PIK3CD: variants seen among roughly 807,000 people sequenced by gnomAD.
The protein encoded by PIK3CD is phosphatidylinositol 4,5-bisphosphate 3-kinase catalytic subunit delta isoform.
Under a neutral mutation model 122.9 loss-of-function variants are expected in PIK3CD, and 20 were observed. The observed-to-expected ratio is 0.16, with a 90% confidence interval of 0.11 to 0.24. PIK3CD has a LOEUF of 0.24. Ranked by LOEUF, PIK3CD falls within the 10% of genes least tolerant of loss-of-function variation. The pLI, the probability that PIK3CD is intolerant of heterozygous loss-of-function variation, is 1.00. For missense variants in PIK3CD, 787 were observed against 1,406.3 expected (o/e 0.56, Z 7.04); for synonymous variants, 596 against 593.4 (o/e 1.00, Z -0.06).
intron 1 of PIK3CD, among the ~76,000 whole-genome samples, chr1:9,668,448 T>A (rs1193673576): frequency 6.6e-6 from 1 of 152,046 alleles, no homozygotes; most frequent in Non-Finnish European, 1.5e-5. Context: ...ATTCTTTTTT[T>A]TTTTTTTGGT....
chr1:9,666,331 C>A (rs183503305), intron 1 of PIK3CD, among the ~76,000 whole-genome samples: 1 of 144,838 alleles, frequency 6.9e-6, no homozygotes, highest in African/African-American at 2.6e-5. Context: ...ACCTCTGCCC[C>A]CCCAGGTTCA....
chr1:9,654,547 G>T (rs956856230), intron 1 of PIK3CD: 1 of 554,984 alleles, frequency 1.8e-6, no homozygotes, highest in East Asian at 6.6e-5. Flanking sequence ...TGGGGATGGT[G>T]AGAGTCGGTT....
intron 1 of PIK3CD, among the ~76,000 whole-genome samples, chr1:9,683,599 C>G (rs1302907204): frequency 6.6e-6 from 1 of 152,080 alleles, no homozygotes; most frequent in African/African-American, 2.4e-5. Context: ...CGTCAGTTTC[C>G]TCATGAAGAT....
At chr1:9,682,472 A>G (rs2100262435) in intron 1 of PIK3CD, among the ~76,000 whole-genome samples, 1 of 152,242 alleles carries the variant, frequency 6.6e-6, no homozygotes, top group East Asian at 1.9e-4. Context: ...TTCTGACCTC[A>G]GGTGATCTGC....
the PIK3CD span, among the ~76,000 whole-genome samples, chr1:9,636,345 T>C: frequency 6.6e-6 from 1 of 152,206 alleles, no homozygotes; most frequent in African/African-American, 2.4e-5. Context: ...AGGTGCCCAC[T>C]ACCATACCTG....
chr1:9,681,518 G>C (rs1259135343), intron 1 of PIK3CD, among the ~76,000 whole-genome samples: 1 of 152,178 alleles, frequency 6.6e-6, no homozygotes, highest in South Asian at 2.1e-4. Context: ...GGGTTAAAGC[G>C]ATTCTCCTGC....
chr1:9,679,449 C>A (rs982188483), intron 1 of PIK3CD, among the ~76,000 whole-genome samples: 1 of 152,146 alleles, frequency 6.6e-6, no homozygotes, highest in Non-Finnish European at 1.5e-5. Flanking sequence ...ACCAGTCAGG[C>A]TCTCCCTGTG....
intron 1 of PIK3CD, among the ~76,000 whole-genome samples, chr1:9,675,796 C>T (rs530568801): frequency 6.0e-5 from 9 of 150,238 alleles, no homozygotes; most frequent in South Asian, 2.1e-4. Context: ...AACAGGGTCT[C>T]GCTGTGTCAC....
intron 1 of PIK3CD, among the ~76,000 whole-genome samples, chr1:9,656,641 A>G (rs1644862651): frequency 6.6e-6 from 1 of 152,074 alleles, no homozygotes; most frequent in South Asian, 2.1e-4. Context: ...TCCTGTCACT[A>G]AAAGAAAACA....
chr1:9,643,206 C>T, the PIK3CD span, among the ~76,000 whole-genome samples: 3 of 152,040 alleles, frequency 2.0e-5, no homozygotes, highest in South Asian at 4.2e-4. Flanking sequence ...GTCGGGAGTT[C>T]GAGACCAGCC....
At chr1:9,663,915 A>C (rs1645081155) in intron 1 of PIK3CD, among the ~76,000 whole-genome samples, 1 of 151,972 alleles carries the variant, frequency 6.6e-6, no homozygotes, top group Non-Finnish European at 1.5e-5. Flanking sequence ...ACATGAACTC[A>C]TCCTTTTTTA....
chr1:9,659,548 C>T (rs1338652530), intron 1 of PIK3CD, among the ~76,000 whole-genome samples: 2 of 152,178 alleles, frequency 1.3e-5, no homozygotes, highest in Non-Finnish European at 2.9e-5. Flanking sequence ...CTCCCCTCTC[C>T]TCCCAGCCCT....
At chr1:9,716,838 GCCCT>G in intron 6 of PIK3CD, 117 bp from the exon 7 acceptor site, 5 of 1,411,660 alleles carry the variant, frequency 3.5e-6, no homozygotes, top group Non-Finnish European at 5.0e-6. Flanking sequence ...CCAGCAGGAA[GCCCT>G]CCCCTCTCCC....
chr1:9,642,203 C>T, the PIK3CD span, among the ~76,000 whole-genome samples: 8 of 151,906 alleles, frequency 5.3e-5, no homozygotes, highest in Non-Finnish European at 8.8e-5. Context: ...ACCTCCACAT[C>T]CCGGGTTCAA....
Position 9,717,078 on chromosome 1 carries a change from T to C in PIK3CD, c.900T>C (p.Arg300=). The C allele has an allele frequency of 6.2e-7, 1 of 1,613,964 alleles. No individual in the cohort carries two copies. The highest frequency in any genetic ancestry group is 8.5e-7 in the Non-Finnish European group (1 of 1,180,026). The change falls in exon 7 of 24, where the codon CGT becomes CGC. Residue 300 remains arginine, a synonymous_variant. Coordinates refer to ENST00000377346, the MANE Select transcript of PIK3CD (RefSeq NM_005026.5). The surrounding 1 kb of genome is among the most constrained non-coding windows in gnomAD (Gnocchi z 5.4). ...SNPAPQVQKP[R]AKPPPIPAKK... ...CTGCCCCCCAGGTCCAGAAACCGCG[T>C]GCCAAACCACCTCCCATTCCTGCGA...
chr1:9,697,107 C>T (rs1646448381), intron 2 of PIK3CD, among the ~76,000 whole-genome samples: 1 of 151,022 alleles, frequency 6.6e-6, no homozygotes, highest in Admixed American at 6.6e-5. Context: ...CACAGTGGCT[C>T]ATCCCTGTAA....
chr1:9,683,628 G>A (rs146769068), intron 1 of PIK3CD, among the ~76,000 whole-genome samples: 14 of 152,170 alleles, frequency 9.2e-5, no homozygotes, highest in African/African-American at 3.4e-4. Context: ...TAACTATTTA[G>A]TGGGGTTGTT....
the PIK3CD span, among the ~76,000 whole-genome samples, chr1:9,638,100 C>T: frequency 6.7e-6 from 1 of 150,364 alleles, no homozygotes; most frequent in African/African-American, 2.5e-5. Flanking sequence ...GAGCGAGACT[C>T]TGTCTCAAAA....
At position 9,720,229 on chromosome 1, in the gene PIK3CD, C is replaced by G; in HGVS notation, c.1457C>G (p.Pro486Arg). Reference protein sequence around the residue: ...PEVAPHPVYYPALEKILELGR... With the variant: ...PEVAPHPVYYRALEKILELGR... ...GTGGCCCCGCACCCCGTGTACTACC[C>G]CGCCCTGGAGAAGGTCAGTGGGGGC... The change falls in exon 11 of 24, where the codon CCC becomes CGC. Residue 486 changes from proline (P) to arginine (R), a missense_variant. This residue lies in a region of PIK3CD where 592 missense variants were observed against 920.6 expected (regional missense o/e 0.64). Transcript: ENST00000377346. This position sits in a 1 kb window ranked among gnomAD's most constrained non-coding sequence, Gnocchi z 9.0. 6.2e-7 allele frequency: 1 copy of G among 1,606,950 alleles called. No individual in the cohort carries two copies. The highest frequency in any genetic ancestry group is 8.5e-7 in the Non-Finnish European group (1 of 1,175,422).
Sources: gnomAD v4.1 joint callset for allele counts (sites outside exome capture counted in the v4.1 genomes callset) on GRCh38, gnomAD v4.1.1 for gene constraint, gnomAD v4.1.1 regional missense constraint, Gnocchi (gnomAD v3.1) non-coding constraint, MANE v1.5 for transcripts, NCBI Gene and HGNC (gene_info 2026-07-23, HGNC 2026-07-21) for gene names.